LRRTM4: variants seen among roughly 807,000 people sequenced by gnomAD.
LRRTM4 encodes the protein leucine-rich repeat transmembrane neuronal protein 4.
LRRTM4 carries 25 observed loss-of-function variants against 47.6 expected under a neutral mutation model. The observed-to-expected ratio is 0.53, with a 90% CI of 0.38 to 0.73. The LOEUF is 0.73. Among genes scored for constraint, LRRTM4 ranks in the 30% least tolerant of loss-of-function variants. The pLI, the probability that LRRTM4 is intolerant of heterozygous loss-of-function variation, is 0.00. For missense variants in LRRTM4, 638 were observed against 713.4 expected (o/e 0.89, Z 1.20); for synonymous variants, 311 against 269.5 (o/e 1.15, Z -1.51).
chr2:77,394,320 C>A (rs1673618201), intron 3 of LRRTM4, among the ~76,000 whole-genome samples: 2 of 151,856 alleles, frequency 1.3e-5, no homozygotes, highest in Non-Finnish European at 2.9e-5. Flanking sequence ...TCAATTTTCC[C>A]ATGTCAGTGT....
At position 77,387,519 on chromosome 2, in the gene LRRTM4, T is replaced by C. The variant is rs143979549; in HGVS notation, c.1551+130799A>G. 6.6e-5 allele frequency among the ~76,000 whole-genome samples: 10 copies of C among 152,220 alleles called. No homozygotes were observed. In the South Asian group the frequency reaches 1.0e-3, roughly 16 times the overall value. On this transcript the variant is annotated intron_variant, in intron 3 of 3. Transcript: ENST00000409884. ...TCTCTCAGTTGTCATGCAAATCCAGTACATGCACACCATTAAGTTGGCCTA... is the reference window on the plus strand; with the variant it reads ...TCTCTCAGTTGTCATGCAAATCCAGCACATGCACACCATTAAGTTGGCCTA...
chr2:76,784,061 T>C (rs1674539922), intron 3 of LRRTM4, among the ~76,000 whole-genome samples: 1 of 152,140 alleles, frequency 6.6e-6, no homozygotes, highest in Non-Finnish European at 1.5e-5. Flanking sequence ...TTTTGGAAAA[T>C]TATTTTTAAA....
chr2:77,333,092 C>G, intron 3 of LRRTM4, among the ~76,000 whole-genome samples: 1 of 152,196 alleles, frequency 6.6e-6, no homozygotes, highest in East Asian at 1.9e-4. Flanking sequence ...TAAGATGTGA[C>G]TTGCTCTTCT....
At chr2:77,488,082 GAGA>G (rs963942803) in intron 3 of LRRTM4, among the ~76,000 whole-genome samples, 1 of 152,182 alleles carries the variant, frequency 6.6e-6, no homozygotes, top group South Asian at 2.1e-4. Flanking sequence ...TGCAGGCAAC[GAGA>G]AGGAGGGAAG....
chr2:77,388,215 G>A (rs184942785), intron 3 of LRRTM4, among the ~76,000 whole-genome samples: 7 of 151,802 alleles, frequency 4.6e-5, no homozygotes, highest in African/African-American at 1.4e-4. Flanking sequence ...TAGGTTCTAC[G>A]TGTGGAGAAG....
chr2:76,884,426 A>G (rs1388066101), intron 3 of LRRTM4, among the ~76,000 whole-genome samples: 5 of 152,188 alleles, frequency 3.3e-5, no homozygotes, highest in Non-Finnish European at 5.9e-5. Context: ...AAATTGGAAA[A>G]TGACTAAATT....
In LRRTM4 at chr2:77,376,800, C is replaced by T. The variant is rs1015602597; in HGVS notation, c.1551+141518G>A. 4.0e-5 allele frequency among the ~76,000 whole-genome samples: 6 copies of T among 151,818 alleles called. No homozygotes were observed. The East Asian group carries it at 5.8e-4, about 15-fold the overall frequency. On this transcript the variant is annotated intron_variant, in intron 3 of 3. Coordinates refer to ENST00000409884, the MANE Select transcript of LRRTM4 (RefSeq NM_001134745.3). Reference sequence around the variant, plus strand: ...AGGTAATATATGTGAAGTCTCTTCACTGTAAAGCTATTTTTCACCACTTTC... The same window carrying T: ...AGGTAATATATGTGAAGTCTCTTCATTGTAAAGCTATTTTTCACCACTTTC...
intron 3 of LRRTM4, among the ~76,000 whole-genome samples, chr2:76,815,548 A>G (rs1047883205): frequency 1.3e-5 from 2 of 152,140 alleles, no homozygotes; most frequent in Admixed American, 6.6e-5. Context: ...AAATAGTGCT[A>G]TGCAAAGTTA....
intron 3 of LRRTM4, among the ~76,000 whole-genome samples, chr2:77,045,244 C>CA (rs1287742668): frequency 1.3e-5 from 2 of 151,772 alleles, no homozygotes; most frequent in East Asian, 1.9e-4. Context: ...TCAAATCTCA[C>CA]AAAAAAAGTA....
chr2:76,842,418 A>G (rs1454236736), intron 3 of LRRTM4, among the ~76,000 whole-genome samples: 5 of 152,212 alleles, frequency 3.3e-5, no homozygotes, highest in South Asian at 2.1e-4. Context: ...ACACACACAT[A>G]TAAACATACA....
chr2:76,942,342 G>A (rs1424524493), intron 3 of LRRTM4, among the ~76,000 whole-genome samples: 2 of 152,166 alleles, frequency 1.3e-5, no homozygotes, highest in African/African-American at 4.8e-5. Context: ...TTTGGCTTTT[G>A]TTGCAATTGA....
At chr2:77,419,117 G>A (rs1000279270) in intron 3 of LRRTM4, among the ~76,000 whole-genome samples, 2 of 152,108 alleles carry the variant, frequency 1.3e-5, no homozygotes, top group African/African-American at 4.8e-5. Flanking sequence ...AATATTTGTT[G>A]CATGAGTGAA....
At chr2:77,024,311 C>A (rs1284273844) in intron 3 of LRRTM4, among the ~76,000 whole-genome samples, 1 of 152,088 alleles carries the variant, frequency 6.6e-6, no homozygotes, top group African/African-American at 2.4e-5. Flanking sequence ...TTTTTAGATT[C>A]CACATGTAAG....
intron 3 of LRRTM4, among the ~76,000 whole-genome samples, chr2:77,331,681 G>A (rs1430886359): frequency 2.0e-5 from 3 of 152,108 alleles, no homozygotes; most frequent in Non-Finnish European, 4.4e-5. Context: ...AAATCCTGAT[G>A]TGGTAAGAAC....
At chr2:77,272,823 G>T (rs1362580966) in intron 3 of LRRTM4, among the ~76,000 whole-genome samples, 2 of 152,038 alleles carry the variant, frequency 1.3e-5, no homozygotes, top group Non-Finnish European at 2.9e-5. Context: ...TGCACATACT[G>T]GAGCATATGA....
rs1197282541 is a variant in LRRTM4, at chr2:76,933,223, T to C, written c.1552-184307A>G. On this transcript the variant is annotated intron_variant, in intron 3 of 3. Transcript: ENST00000409884. ...TGTCAAAAAATAAATGAGTAATCAA[T>C]GAAAATTGTTTCTAAACAATCAATA... 5.9e-5 allele frequency among the ~76,000 whole-genome samples: 9 copies of C among 152,092 alleles called. No individual in the cohort carries two copies. In the East Asian group the frequency reaches 1.7e-3, roughly 29 times the overall value.
intron 3 of LRRTM4, among the ~76,000 whole-genome samples, chr2:76,943,961 AT>A (rs1675239470): frequency 1.3e-5 from 2 of 152,022 alleles, no homozygotes; most frequent in South Asian, 4.1e-4. Context: ...TGTTTGGACT[AT>A]TTTTAAAGTT....
chr2:77,522,213 C>A lies in LRRTM4; in HGVS notation c.-252G>T. 2 of 690,854 alleles carry A rather than the reference C, an allele frequency of 2.9e-6. No homozygotes were observed. Among genetic ancestry groups the A allele is most frequent in the South Asian group, 1.5e-5 (1 of 64,630 alleles). The allele number at this position is 690,854 out of a possible 1,614,324, so 42.8% of individuals were successfully genotyped here. ...GTAGGCCTCCTGTGCTGTATGAGACCCCAGTTTAAAAGCTATGCAGGCTAG... is the reference window on the plus strand; with the variant it reads ...GTAGGCCTCCTGTGCTGTATGAGACACCAGTTTAAAAGCTATGCAGGCTAG... On this transcript the variant is annotated 5_prime_UTR_variant, in exon 1 of 4. Coordinates refer to ENST00000409884, the MANE Select transcript of LRRTM4 (RefSeq NM_001134745.3).
intron 3 of LRRTM4, among the ~76,000 whole-genome samples, chr2:77,481,712 A>G (rs1443644029): frequency 2.0e-5 from 3 of 152,090 alleles, no homozygotes; most frequent in African/African-American, 7.2e-5. Flanking sequence ...TGTGTATACT[A>G]TTTGTCTCAG....
Sources: gnomAD v4.1 joint callset for allele counts (sites outside exome capture counted in the v4.1 genomes callset) on GRCh38, gnomAD v4.1.1 for gene constraint, MANE v1.5 for transcripts, NCBI Gene and HGNC (gene_info 2026-07-23, HGNC 2026-07-21) for gene names.